CNTN4: variants seen among roughly 807,000 people sequenced by gnomAD.
CNTN4 encodes contactin-4.
CNTN4 carries 77 observed loss-of-function variants against 122.5 expected under a neutral mutation model. The ratio of observed to expected loss-of-function variants is 0.63; its 90% CI spans 0.52 to 0.76. The LOEUF (loss-of-function observed/expected upper bound fraction) is 0.76. CNTN4 is among the 30% of genes least tolerant of loss of function. The probability of loss-of-function intolerance (pLI) is 0.00; values close to 1 mark genes in which losing one functional copy is unlikely to be tolerated. For synonymous variants in CNTN4, 512 were observed against 447.0 expected, an observed-to-expected ratio of 1.15 and a Z score of -1.83; for missense variants, 1,256 against 1,259.1, an observed-to-expected ratio of 1.00 and a Z score of 0.04.
At chr3:2,675,245 C>G (rs1202486140) in intron 4 of CNTN4, among the ~76,000 whole-genome samples, 1 of 152,022 alleles carries the variant, frequency 6.6e-6, no homozygotes, top group East Asian at 1.9e-4. Flanking sequence ...CTCCTTCCAT[C>G]TCCTCTCTTA....
intron 4 of CNTN4, among the ~76,000 whole-genome samples, chr3:2,626,805 T>C (rs2082207482): frequency 1.3e-5 from 2 of 152,182 alleles, no homozygotes. Context: ...TAGTCAACTG[T>C]ACTAGATGCT....
intron 3 of CNTN4, among the ~76,000 whole-genome samples, chr3:2,421,754 G>A (rs926678902): frequency 6.6e-6 from 1 of 151,988 alleles, no homozygotes; most frequent in Non-Finnish European, 1.5e-5. Context: ...GCTGACTATT[G>A]AATATTTACT....
chr3:2,729,559 A>AT (rs1414518933), intron 4 of CNTN4, among the ~76,000 whole-genome samples: 1 of 150,664 alleles, frequency 6.6e-6, no homozygotes, highest in East Asian at 2.0e-4. Context: ...AAAAAAAAAA[A>AT]AAAAGAAGAG....
intron 4 of CNTN4, among the ~76,000 whole-genome samples, chr3:2,626,317 C>A (rs906819485): frequency 2.6e-5 from 4 of 151,874 alleles, no homozygotes; most frequent in Non-Finnish European, 4.4e-5. Flanking sequence ...CACGGTGAAA[C>A]CCCATCTCTA....
At chr3:2,675,864 A>T (rs1021184966) in intron 4 of CNTN4, among the ~76,000 whole-genome samples, 6 of 152,190 alleles carry the variant, frequency 3.9e-5, no homozygotes, top group Non-Finnish European at 8.8e-5. Flanking sequence ...TTTGTTTCTC[A>T]TATCAACCTC....
chr3:2,352,553 A>G (rs886380485), intron 3 of CNTN4, among the ~76,000 whole-genome samples: 2 of 152,122 alleles, frequency 1.3e-5, no homozygotes, highest in Non-Finnish European at 2.9e-5. Flanking sequence ...GGCGGAGGGG[A>G]TGCCAGGTTC....
chr3:2,255,721 A>G (rs1034615966), intron 2 of CNTN4, among the ~76,000 whole-genome samples: 1 of 152,198 alleles, frequency 6.6e-6, no homozygotes, highest in Non-Finnish European at 1.5e-5. Context: ...GCAGAAATAA[A>G]TAAGTTCTTT....
chr3:2,162,336 G>T (rs528488637), intron 2 of CNTN4, among the ~76,000 whole-genome samples: 6 of 152,286 alleles, frequency 3.9e-5, no homozygotes, highest in African/African-American at 1.4e-4. Context: ...ATGCATGCAT[G>T]TTTTAAAAAG....
At chr3:2,350,789 G>A (rs914027045) in intron 3 of CNTN4, among the ~76,000 whole-genome samples, 7 of 152,100 alleles carry the variant, frequency 4.6e-5, no homozygotes, top group Non-Finnish European at 1.0e-4. Context: ...GAAAATTTAA[G>A]CAAGGCAAAT....
intron 4 of CNTN4, among the ~76,000 whole-genome samples, chr3:2,636,125 G>T (rs1484596370): frequency 6.6e-6 from 1 of 152,154 alleles, no homozygotes; most frequent in Non-Finnish European, 1.5e-5. Context: ...GACAATACTT[G>T]TTGTCCCAGT....
chr3:2,995,060 G>C (rs1695410880), intron 14 of CNTN4, among the ~76,000 whole-genome samples: 1 of 152,156 alleles, frequency 6.6e-6, no homozygotes, highest in African/African-American at 2.4e-5. Context: ...GGAAGGAAAA[G>C]TTTGTCATTA....
Position 2,887,026 on chromosome 3 carries a change from A to G in CNTN4, c.756-14A>G, listed in dbSNP as rs760573660. 13 of 1,611,830 alleles carry G rather than the reference A, an allele frequency of 8.1e-6. No individual in the cohort carries two copies. The highest frequency in any genetic ancestry group is 1.7e-6 in the Non-Finnish European group (2 of 1,178,546). On this transcript the variant is annotated splice_polypyrimidine_tract_variant and intron_variant, in intron 9 of 24. Coordinates refer to ENST00000418658, the MANE Select transcript of CNTN4 (RefSeq NM_175607.3). ...TCTCTAGTTTGATTCACTCCTTTTT[A>G]TTCTTGCTATCAGTCCAGTACCAAC... is the stretch of plus-strand genomic sequence containing the variant.
Position 3,056,336 on chromosome 3 carries a change from A to G in CNTN4, c.*116A>G, listed in dbSNP as rs1193986567. The G allele has an allele frequency of 3.6e-6, 3 of 826,568 alleles. No individual in the cohort carries two copies. In the Admixed American group the frequency reaches 5.9e-5, roughly 16 times the overall value. 51.2% of individuals were successfully genotyped at this position (826,568 alleles called of 1,614,324 possible). A position where few individuals can be genotyped will look rare whatever the true frequency, so the allele number is the denominator to read the frequency against. ...TCAAGTACATCTTATTACTGGAATA[A>G]AAATGTTTTTTGCTTCTTTAGGAAT... is the stretch of plus-strand genomic sequence containing the variant. On this transcript the variant is annotated 3_prime_UTR_variant, in exon 25 of 25. Coordinates refer to ENST00000418658, the MANE Select transcript of CNTN4 (RefSeq NM_175607.3).
chr3:2,296,429 CT>C (rs1244838304), intron 2 of CNTN4, among the ~76,000 whole-genome samples: 1 of 152,000 alleles, frequency 6.6e-6, no homozygotes, highest in Non-Finnish European at 1.5e-5. Flanking sequence ...ATTTTATTCT[CT>C]TTGAAGCAAT....
chr3:2,782,365 C>G (rs2091629850), intron 6 of CNTN4, among the ~76,000 whole-genome samples: 2 of 151,956 alleles, frequency 1.3e-5, no homozygotes, highest in African/African-American at 2.4e-5. Context: ...CCCTTTCAGT[C>G]TGCCTTCCAT....
At chr3:2,793,639 G>A (rs530865455) in intron 6 of CNTN4, among the ~76,000 whole-genome samples, 6 of 152,098 alleles carry the variant, frequency 3.9e-5, no homozygotes, top group East Asian at 3.9e-4. Context: ...TTGCGTTTTC[G>A]AAAAATGATT....
At chr3:2,186,151 A>C (rs950413066) in intron 2 of CNTN4, among the ~76,000 whole-genome samples, 2 of 149,842 alleles carry the variant, frequency 1.3e-5, no homozygotes, top group South Asian at 2.1e-4. Context: ...TCATTGTTCA[A>C]TTCCCACCTA....
intron 7 of CNTN4, among the ~76,000 whole-genome samples, chr3:2,863,435 T>C (rs889056330): frequency 2.2e-5 from 3 of 133,700 alleles, no homozygotes; most frequent in Non-Finnish European, 3.1e-5. Context: ...TTGGCATCTA[T>C]GGTTTCTTCT....
chr3:2,555,539 C>T (rs2078684474), intron 3 of CNTN4, among the ~76,000 whole-genome samples: 1 of 152,122 alleles, frequency 6.6e-6, no homozygotes, highest in Non-Finnish European at 1.5e-5. Flanking sequence ...GCTGTCAAAG[C>T]ACATATGAGA....
Sources: gnomAD v4.1 joint callset for allele counts (sites outside exome capture counted in the v4.1 genomes callset) on GRCh38, gnomAD v4.1.1 for gene constraint, MANE v1.5 for transcripts, NCBI Gene and HGNC (gene_info 2026-07-23, HGNC 2026-07-21) for gene names.